AHI1: variants seen among roughly 807,000 people sequenced by gnomAD.
AHI1 encodes Abelson helper integration site 1.
AHI1 carries 123 observed loss-of-function variants against 149.3 expected under a neutral mutation model. The observed-to-expected ratio is 0.82, with a 90% CI of 0.71 to 0.96. The LOEUF (loss-of-function observed/expected upper bound fraction) is 0.96. Among genes scored for constraint, AHI1 ranks in the 40% least tolerant of loss-of-function variants. The pLI, the probability that AHI1 is intolerant of heterozygous loss-of-function variation, is 0.00. For missense variants in AHI1, 1,439 were observed against 1,422.7 expected (o/e 1.01, Z -0.18); for synonymous variants, 475 against 459.8 (o/e 1.03, Z -0.42).
intron 25 of AHI1, among the ~76,000 whole-genome samples, 185 bp from the exon 26 acceptor site, chr6:135,318,801 G>T (rs1259637601): frequency 1.3e-5 from 2 of 152,212 alleles, no homozygotes; most frequent in Non-Finnish European, 2.9e-5. Flanking sequence ...GTTATCAAAA[G>T]AACTATGATT....
chr6:135,312,585 C>A (rs773043809), intron 26 of AHI1, among the ~76,000 whole-genome samples: 54 of 151,898 alleles, frequency 3.6e-4, no homozygotes, highest in Admixed American at 1.2e-3. Flanking sequence ...ACAAACAAAC[C>A]AAAAAACAAC....
chr6:135,321,652 T>C (rs11964493), intron 25 of AHI1, among the ~76,000 whole-genome samples: 5,800 of 152,252 alleles, frequency 0.038, 393 homozygotes, highest in African/African-American at 0.13. Context: ...ATCAATAATA[T>C]TTTTGTTTAG....
At chr6:135,318,850 G>T (rs912266463) in intron 25 of AHI1, among the ~76,000 whole-genome samples, 1 of 152,170 alleles carries the variant, frequency 6.6e-6, no homozygotes, top group African/African-American at 2.4e-5. Context: ...AATGCAGAAG[G>T]TGTCATTTTC....
intron 15 of AHI1, 119 bp downstream of exon 15, chr6:135,438,256 G>T: frequency 1.0e-6 from 1 of 968,474 alleles, no homozygotes; most frequent in Non-Finnish European, 1.4e-6. Context: ...GCATATTTAT[G>T]ACAGTCCCTT....
chr6:135,439,642 A>G lies in AHI1; in HGVS notation c.1913-1144T>C, dbSNP rs182963309. Among the ~76,000 whole-genome samples the G allele has an allele frequency of 1.7e-3, 256 of 152,364 alleles. 2 individuals carry two copies. Among genetic ancestry groups the G allele is most frequent in the African/African-American group, 5.7e-3 (238 of 41,592 alleles). ...TCTATCCGTGAAATTGTGAAGAACG[A>G]AAAAGAGGTTTGTGCTAGTTTTGCT... is the stretch of plus-strand genomic sequence containing the variant. On this transcript the variant is annotated intron_variant, in intron 14 of 28. Coordinates refer to ENST00000265602, the MANE Select transcript of AHI1 (RefSeq NM_001134831.2).
At chr6:135,288,213 G>T (rs1414393415) in intron 28 of AHI1, among the ~76,000 whole-genome samples, 1 of 152,032 alleles carries the variant, frequency 6.6e-6, no homozygotes, top group Non-Finnish European at 1.5e-5. Flanking sequence ...AAGTGCAGGG[G>T]AGGAAAAAAA....
chr6:135,311,848 C>A (rs774443893), intron 26 of AHI1, among the ~76,000 whole-genome samples: 3 of 152,322 alleles, frequency 2.0e-5, no homozygotes, highest in African/African-American at 7.2e-5. Context: ...TGCTCCCACT[C>A]CCCTGTGGTA....
intron 26 of AHI1, among the ~76,000 whole-genome samples, chr6:135,308,579 T>C (rs1784797468): frequency 6.6e-6 from 1 of 152,188 alleles, no homozygotes; most frequent in South Asian, 2.1e-4. Flanking sequence ...TGTTACCTGA[T>C]AAAAACAAGC....
intron 8 of AHI1, among the ~76,000 whole-genome samples, chr6:135,461,601 G>A (rs1789894574): frequency 1.3e-5 from 2 of 151,998 alleles, no homozygotes; most frequent in Non-Finnish European, 1.5e-5. Flanking sequence ...GTATGCATGT[G>A]CTTACCAAAT....
At chr6:135,405,268 C>CTTTCATTTTA (rs1472657740) in intron 21 of AHI1, among the ~76,000 whole-genome samples, 1 of 152,110 alleles carries the variant, frequency 6.6e-6, no homozygotes, top group East Asian at 1.9e-4. Context: ...AAATTCTATA[C>CTTTCATTTTA]TAGAACACTA....
At chr6:135,441,680 C>T (rs905098255) in intron 14 of AHI1, among the ~76,000 whole-genome samples, 6 of 152,040 alleles carry the variant, frequency 3.9e-5, no homozygotes, top group Non-Finnish European at 8.8e-5. Flanking sequence ...TTTCACTATC[C>T]AAAAGAAATA....
At chr6:135,479,101 G>A (rs937418708) in intron 5 of AHI1, among the ~76,000 whole-genome samples, 1 of 152,226 alleles carries the variant, frequency 6.6e-6, no homozygotes, top group African/African-American at 2.4e-5. Context: ...TCCACTGCAG[G>A]GGTGGAACCC....
chr6:135,427,279 C>T lies in AHI1; in HGVS notation c.2652G>A (p.Leu884=), dbSNP rs1283569805. Residue 884 remains leucine (L), a synonymous_variant, in exon 20 of 29, where the codon TTG becomes TTA. Transcript: ENST00000265602. Reference sequence around the variant, plus strand: ...TGTCTCGAATGGGTGACTTGAATGGCAAGTCAGAATACATGGCTACTTGTT... The same window carrying T: ...TGTCTCGAATGGGTGACTTGAATGGTAAGTCAGAATACATGGCTACTTGTT... ...TGEQVAMYSD[L]PFKSPIRDIS... The T allele has an allele frequency of 6.2e-7, 1 of 1,609,762 alleles. No homozygotes were observed. Among genetic ancestry groups the T allele is most frequent in the Admixed American group, 1.7e-5 (1 of 59,662 alleles).
chr6:135,313,131 C>T (rs141311322), intron 26 of AHI1, among the ~76,000 whole-genome samples: 115 of 152,254 alleles, frequency 7.6e-4, no homozygotes, highest in Admixed American at 1.6e-3. Flanking sequence ...TCAGAGTGCA[C>T]TCAAATCATT....
chr6:135,385,690 C>A (rs948627990), intron 23 of AHI1, among the ~76,000 whole-genome samples: 1 of 152,130 alleles, frequency 6.6e-6, no homozygotes, highest in African/African-American at 2.4e-5. Context: ...TGGGGGAAAA[C>A]CTGACTGAAA....
chr6:135,370,981 C>G (rs1774969771), intron 23 of AHI1, among the ~76,000 whole-genome samples: 1 of 152,122 alleles, frequency 6.6e-6, no homozygotes, highest in South Asian at 2.1e-4. Flanking sequence ...CTAAACCTCT[C>G]TCCAACCAAG....
chr6:135,337,926 T>A (rs1789649695), intron 24 of AHI1, among the ~76,000 whole-genome samples: 1 of 152,196 alleles, frequency 6.6e-6, no homozygotes, highest in Admixed American at 6.5e-5. Context: ...GAAGTTCGCG[T>A]ACATGCATAT....
intron 21 of AHI1, among the ~76,000 whole-genome samples, chr6:135,409,190 T>A (rs914611626): frequency 5.3e-5 from 8 of 152,164 alleles, no homozygotes; most frequent in Non-Finnish European, 1.2e-4. Flanking sequence ...ACATTTTATA[T>A]AAACATTTCC....
chr6:135,346,027 A>G (rs1172367864), intron 24 of AHI1, among the ~76,000 whole-genome samples: 1 of 152,190 alleles, frequency 6.6e-6, no homozygotes, highest in Non-Finnish European at 1.5e-5. Context: ...AGAAAGCAAC[A>G]TCTGTGGGAT....
Sources: allele counts gnomAD v4.1 joint callset (sites outside exome capture counted in the v4.1 genomes callset), GRCh38; gene constraint gnomAD v4.1.1; transcripts MANE v1.5; gene names NCBI Gene and HGNC (gene_info 2026-07-23, HGNC 2026-07-21).